TNNI3K: variants seen among roughly 807,000 people sequenced by gnomAD.
TNNI3K encodes TNNI3 interacting kinase, also known as serine/threonine-protein kinase TNNI3K.
A neutral mutation model predicts 114.5 loss-of-function variants in TNNI3K; 140 were observed. The observed-to-expected ratio is 1.22, with a 90% CI of 1.07 to 1.41. The LOEUF is 1.41. TNNI3K is among the 40% of genes most tolerant of loss of function. The pLI is 0.00. For synonymous variants in TNNI3K, 347 were observed against 347.5 expected, an observed-to-expected ratio of 1.00 and a Z score of 0.02; for missense variants, 1,125 against 1,007.6, an observed-to-expected ratio of 1.12 and a Z score of -1.58.
intron 11 of TNNI3K, among the ~76,000 whole-genome samples, chr1:74,363,057 A>G (rs2100503772): frequency 6.6e-6 from 1 of 152,220 alleles, no homozygotes; most frequent in Admixed American, 6.6e-5. Context: ...ATTTTATTTA[A>G]TTAGTGGAAG....
intron 20 of TNNI3K, among the ~76,000 whole-genome samples, chr1:74,441,126 AG>A (rs1666357958): frequency 6.6e-6 from 1 of 152,076 alleles, no homozygotes; most frequent in Admixed American, 6.6e-5. Flanking sequence ...TTACCTTTCT[AG>A]GTTAACACTT....
chr1:74,540,439 A>C, intron 24 of TNNI3K, 126 bp downstream of exon 24: 1 of 898,552 alleles, frequency 1.1e-6, no homozygotes, highest in South Asian at 1.9e-5. Flanking sequence ...TAAAAATATA[A>C]AAGTATAAAA....
intron 17 of TNNI3K, among the ~76,000 whole-genome samples, chr1:74,394,098 T>C (rs1663947832): frequency 6.6e-6 from 1 of 152,218 alleles, no homozygotes; most frequent in Admixed American, 6.5e-5. Context: ...TGGTCAAATA[T>C]TGATCAAAAT....
chr1:74,313,705 T>G (rs900406078), intron 5 of TNNI3K, among the ~76,000 whole-genome samples: 2 of 152,188 alleles, frequency 1.3e-5, no homozygotes, highest in Non-Finnish European at 2.9e-5. Context: ...GAGCATGATT[T>G]GGATCCTCTG....
chr1:74,277,794 A>G (rs550833950), intron 5 of TNNI3K, among the ~76,000 whole-genome samples: 1 of 152,210 alleles, frequency 6.6e-6, no homozygotes, highest in African/African-American at 2.4e-5. Context: ...TTCTTATTAC[A>G]GAAAAGTGTA....
chr1:74,332,965 A>AC, intron 6 of TNNI3K, among the ~76,000 whole-genome samples: 1 of 41,366 alleles, frequency 2.4e-5, no homozygotes, highest in Non-Finnish European at 7.3e-5. Flanking sequence ...ACAAAAAAAA[A>AC]AAAAAAAAAA....
intron 23 of TNNI3K, among the ~76,000 whole-genome samples, chr1:74,517,767 G>C (rs1227176792): frequency 6.6e-6 from 1 of 152,136 alleles, no homozygotes; most frequent in Non-Finnish European, 1.5e-5. Flanking sequence ...CAATCACAAA[G>C]CCAGTGGCTC....
rs61636791 is a variant in TNNI3K, at chr1:74,256,283, C to CTT, written c.333+5546_333+5547dup. ...CTTTCCGGCACTTGGTGTGGTCAGT[C>CTT]TTTTTTTTTTTTTTTTTTTTTTTTT... On this transcript the variant is annotated intron_variant, in intron 4 of 24. Transcript: ENST00000326637. Among the ~76,000 whole-genome samples, 57 of 42,794 alleles carry CTT rather than the reference C, an allele frequency of 1.3e-3. 2 individuals are homozygous for CTT. Among genetic ancestry groups the CTT allele is most frequent in the South Asian group, 2.8e-3 (2 of 718 alleles). The allele number at this position is 42,794 out of a possible 152,430, so 28.1% of individuals were successfully genotyped here. A position where few individuals can be genotyped will look rare whatever the true frequency, so the allele number is the denominator to read the frequency against.
intron 11 of TNNI3K, among the ~76,000 whole-genome samples, chr1:74,358,372 A>C (rs1353953493): frequency 2.6e-5 from 4 of 152,090 alleles, no homozygotes; most frequent in African/African-American, 9.7e-5. Context: ...ACCATGATAT[A>C]TACTTTGTTC....
intron 20 of TNNI3K, among the ~76,000 whole-genome samples, chr1:74,445,694 T>C (rs1300812831): frequency 6.7e-6 from 1 of 149,630 alleles, no homozygotes; most frequent in East Asian, 2.0e-4. Context: ...CACTGCAAGT[T>C]CCGCCTCCCG....
rs115133307 is a variant in TNNI3K, at chr1:74,387,115, T to A, written c.1772+16723T>A. Among the ~76,000 whole-genome samples, 214 of 152,338 alleles carry A rather than the reference T, an allele frequency of 1.4e-3. 2 individuals are homozygous for A. Among genetic ancestry groups the A allele is most frequent in the Middle Eastern group, 6.8e-3 (2 of 294 alleles). ...TTGCTGAAAGAAAGCTGTAATTGTATAATTTCCTATGCTTACCTTTGTTCA... is the reference window on the plus strand; with the variant it reads ...TTGCTGAAAGAAAGCTGTAATTGTAAAATTTCCTATGCTTACCTTTGTTCA... On this transcript the variant is annotated intron_variant, in intron 17 of 24. Coordinates refer to ENST00000326637, the MANE Select transcript of TNNI3K (RefSeq NM_015978.3).
At chr1:74,476,728 C>T (rs1036754031) in intron 21 of TNNI3K, among the ~76,000 whole-genome samples, 2 of 152,136 alleles carry the variant, frequency 1.3e-5, no homozygotes, top group Admixed American at 1.3e-4. Context: ...CCACATCTGC[C>T]TGAGGACAGT....
intron 8 of TNNI3K, 24 bp from the exon 9 acceptor site, chr1:74,343,051 A>G: frequency 1.2e-6 from 2 of 1,613,174 alleles, no homozygotes; most frequent in Non-Finnish European, 1.7e-6. Context: ...TACAATATTA[A>G]CAAGATATTT....
At chr1:74,286,617 G>A (rs1657349870) in intron 5 of TNNI3K, among the ~76,000 whole-genome samples, 1 of 151,696 alleles carries the variant, frequency 6.6e-6, no homozygotes, top group African/African-American at 2.4e-5. Flanking sequence ...TGACCCCTGT[G>A]GACTTAGGCA....
intron 21 of TNNI3K, among the ~76,000 whole-genome samples, chr1:74,482,263 A>G (rs1230579432): frequency 6.6e-6 from 1 of 152,154 alleles, no homozygotes; most frequent in African/African-American, 2.4e-5. Flanking sequence ...CAATTCATCC[A>G]TTTTATTCTC....
chr1:74,242,741 A>G (rs897401886), intron 2 of TNNI3K, among the ~76,000 whole-genome samples: 9 of 152,184 alleles, frequency 5.9e-5, no homozygotes, highest in Non-Finnish European at 8.8e-5. Flanking sequence ...AAGTCAGTCT[A>G]TTTCTCTAAT....
At position 74,489,304 on chromosome 1, in the gene TNNI3K, T is replaced by C. The variant is rs921220650; in HGVS notation, c.2181+56T>C. 3 of 1,559,958 alleles carry C rather than the reference T, an allele frequency of 1.9e-6. No homozygotes were observed. In the African/African-American group the frequency reaches 4.1e-5, roughly 22 times the overall value. On this transcript the variant is annotated intron_variant, in intron 22 of 24. Transcript: ENST00000326637. ...TAAAAAAGCCCTGCATATCCAAGGC[T>C]GTCAGGGAATGTAGATGAGCTGGTG...
chr1:74,323,640 G>A (rs1016970783), intron 5 of TNNI3K, among the ~76,000 whole-genome samples: 3 of 151,656 alleles, frequency 2.0e-5, no homozygotes, highest in Non-Finnish European at 2.9e-5. Flanking sequence ...AGAAAAACAC[G>A]TGTGTGTGTG....
At chr1:74,363,672 T>C (rs1039477060) in intron 11 of TNNI3K, among the ~76,000 whole-genome samples, 1 of 151,998 alleles carries the variant, frequency 6.6e-6, no homozygotes, top group Non-Finnish European at 1.5e-5. Context: ...GGGGCTGAGA[T>C]AGACTGGAAG....
Sources: gnomAD v4.1 joint callset for allele counts (sites outside exome capture counted in the v4.1 genomes callset) on GRCh38, gnomAD v4.1.1 for gene constraint, MANE v1.5 for transcripts, NCBI Gene and HGNC (gene_info 2026-07-23, HGNC 2026-07-21) for gene names.